CTNND2: variants seen among roughly 807,000 people sequenced by gnomAD.
CTNND2 encodes the protein catenin delta-2.
A neutral mutation model predicts 144.4 loss-of-function variants in CTNND2; 22 were observed. That is an observed-to-expected ratio of 0.15 (90% CI 0.11 to 0.22). The LOEUF (loss-of-function observed/expected upper bound fraction) is 0.22. CTNND2 is among the 10% of genes least tolerant of loss of function. CTNND2 has a pLI of 1.00. For missense variants in CTNND2, 1,353 were observed against 1,618.8 expected, an observed-to-expected ratio of 0.84 and a Z score of 2.82; for synonymous variants, 751 against 695.6, an observed-to-expected ratio of 1.08 and a Z score of -1.25.
intron 2 of CTNND2, among the ~76,000 whole-genome samples, chr5:11,603,064 A>G (rs1779883471): frequency 6.6e-6 from 1 of 152,134 alleles, no homozygotes; most frequent in Admixed American, 6.6e-5. Flanking sequence ...TCTCTAACCT[A>G]TTAGAAAGAG....
At chr5:11,456,385 C>T (rs777881451) in intron 3 of CTNND2, among the ~76,000 whole-genome samples, 8 of 151,776 alleles carry the variant, frequency 5.3e-5, no homozygotes, top group Non-Finnish European at 1.0e-4. Context: ...TAAAAACACC[C>T]TCTAGTTTTA....
chr5:11,290,536 G>A (rs1748220045), intron 9 of CTNND2, among the ~76,000 whole-genome samples: 1 of 152,110 alleles, frequency 6.6e-6, no homozygotes, highest in African/African-American at 2.4e-5. Flanking sequence ...ATAAATGAGT[G>A]ACCTCATATG....
chr5:11,435,333 G>A (rs1763671726), intron 3 of CTNND2, among the ~76,000 whole-genome samples: 1 of 151,684 alleles, frequency 6.6e-6, no homozygotes, highest in African/African-American at 2.4e-5. Context: ...TAGTAGAGAT[G>A]GGGTTTCACC....
At chr5:11,282,656 T>C (rs1454171513) in intron 9 of CTNND2, among the ~76,000 whole-genome samples, 1 of 152,258 alleles carries the variant, frequency 6.6e-6, no homozygotes, top group Non-Finnish European at 1.5e-5. Flanking sequence ...TAGGAGGGTA[T>C]GATTTACATA....
intron 16 of CTNND2, among the ~76,000 whole-genome samples, chr5:11,061,047 C>T (rs1406309356): frequency 6.6e-6 from 1 of 152,090 alleles, no homozygotes; most frequent in African/African-American, 2.4e-5. Flanking sequence ...TTCTACGTGG[C>T]ATGTCCCCTT....
chr5:11,888,374 G>C (rs1396282041), intron 1 of CTNND2, among the ~76,000 whole-genome samples: 1 of 152,086 alleles, frequency 6.6e-6, no homozygotes, highest in African/African-American at 2.4e-5. Context: ...CATTCCCCAG[G>C]GCCAACGTAC....
At chr5:11,315,215 A>G (rs533839316) in intron 9 of CTNND2, among the ~76,000 whole-genome samples, 30 of 152,188 alleles carry the variant, frequency 2.0e-4, no homozygotes, top group Non-Finnish European at 3.7e-4. Flanking sequence ...TACTAGAAAG[A>G]GTGGAGCAGT....
intron 12 of CTNND2, among the ~76,000 whole-genome samples, chr5:11,128,741 TTATATATATTATATATAAA>T (rs1477560663): frequency 1.6e-5 from 1 of 61,980 alleles, no homozygotes; most frequent in African/African-American, 8.8e-5. Context: ...ATATATATAT[TTATATATATTATATATAAA>T]TATATATATT....
chr5:11,371,970 A>G (rs953152763), intron 7 of CTNND2, among the ~76,000 whole-genome samples: 8 of 152,178 alleles, frequency 5.3e-5, no homozygotes, highest in East Asian at 1.9e-4. Flanking sequence ...CTATTTCATC[A>G]TATTTCATAA....
intron 6 of CTNND2, among the ~76,000 whole-genome samples, chr5:11,393,161 G>T (rs766697975): frequency 1.3e-5 from 2 of 152,198 alleles, no homozygotes; most frequent in African/African-American, 4.8e-5. Context: ...ACATTAAATA[G>T]ATAAGCCAGA....
At chr5:11,275,150 T>C (rs535858419) in intron 9 of CTNND2, among the ~76,000 whole-genome samples, 5 of 152,278 alleles carry the variant, frequency 3.3e-5, no homozygotes, top group South Asian at 4.1e-4. Flanking sequence ...GATTTATGTA[T>C]AAATCACTTT....
At chr5:11,529,509 A>G (rs1773550773) in intron 3 of CTNND2, among the ~76,000 whole-genome samples, 1 of 152,244 alleles carries the variant, frequency 6.6e-6, no homozygotes, top group Non-Finnish European at 1.5e-5. Context: ...GCACTCAAGA[A>G]AAACTCACGG....
intron 1 of CTNND2, among the ~76,000 whole-genome samples, chr5:11,778,103 T>G (rs1022313156): frequency 6.6e-6 from 1 of 152,186 alleles, no homozygotes; most frequent in East Asian, 1.9e-4. Context: ...GTTTAAGTTG[T>G]TAAGGATGGA....
chr5:11,467,471 T>G (rs1002610933), intron 3 of CTNND2, among the ~76,000 whole-genome samples: 10 of 152,188 alleles, frequency 6.6e-5, no homozygotes, highest in Admixed American at 6.5e-4. Context: ...TCCAAGTGCC[T>G]GTTGTTTACA....
chr5:10,997,962 T>C (rs1030301214), intron 18 of CTNND2, among the ~76,000 whole-genome samples: 51 of 152,226 alleles, frequency 3.4e-4, no homozygotes, highest in African/African-American at 1.2e-3. Context: ...TGCTCTCTTA[T>C]GCAGGTGATT....
At chr5:11,535,202 A>G (rs908561327) in intron 3 of CTNND2, among the ~76,000 whole-genome samples, 2 of 152,008 alleles carry the variant, frequency 1.3e-5, no homozygotes, top group African/African-American at 4.8e-5. Flanking sequence ...AAAAAAAAAA[A>G]AAGACTTCTT....
chr5:11,164,343 C>A (rs1759088261), intron 11 of CTNND2, among the ~76,000 whole-genome samples: 2 of 152,142 alleles, frequency 1.3e-5, no homozygotes. Flanking sequence ...TACTACGTAT[C>A]CCTTCAAAAA....
intron 2 of CTNND2, among the ~76,000 whole-genome samples, chr5:11,696,495 C>A (rs1394943206): frequency 6.6e-6 from 1 of 152,102 alleles, no homozygotes; most frequent in Non-Finnish European, 1.5e-5. Flanking sequence ...ATTTAGAAGC[C>A]CCTTTCTCCA....
chr5:11,868,821 CCAG>C (rs1795896676), intron 1 of CTNND2, among the ~76,000 whole-genome samples: 1 of 152,150 alleles, frequency 6.6e-6, no homozygotes. Context: ...TGCAGAGTCT[CCAG>C]CAGCAAGAAG....
Sources: allele counts gnomAD v4.1 joint callset (sites outside exome capture counted in the v4.1 genomes callset), GRCh38; gene constraint gnomAD v4.1.1; transcripts MANE v1.5; gene names NCBI Gene and HGNC (gene_info 2026-07-23, HGNC 2026-07-21).